Variants in XKR9 observed in about 807,000 individuals in gnomAD.
The protein encoded by XKR9 is XK related 9, also known as XK-related protein 9.
A neutral mutation model predicts 32.0 loss-of-function variants in XKR9; 32 were observed. The ratio of observed to expected loss-of-function variants is 1.00; its 90% CI spans 0.76 to 1.34. The LOEUF is 1.34. XKR9 is among the 40% of genes most tolerant of loss of function. The pLI is 0.00. For missense variants in XKR9, 546 were observed against 429.7 expected (o/e 1.27, Z -2.39); for synonymous variants, 168 against 143.4 (o/e 1.17, Z -1.22).
chr8:70,935,670 G>A, the XKR9 span, among the ~76,000 whole-genome samples: 269 of 151,992 alleles, frequency 1.8e-3, 3 homozygotes, highest in Middle Eastern at 3.4e-3. Context: ...TTTCTAAAAG[G>A]CACATAAAAT....
chr8:70,896,470 G>C, the XKR9 span, among the ~76,000 whole-genome samples: 9 of 151,360 alleles, frequency 5.9e-5, no homozygotes, highest in Non-Finnish European at 1.3e-4. Flanking sequence ...TAAATTTATG[G>C]GCCGACGGTC....
At chr8:70,843,932 A>T in the XKR9 span, among the ~76,000 whole-genome samples, 4 of 152,290 alleles carry the variant, frequency 2.6e-5, no homozygotes, top group Admixed American at 2.6e-4. Context: ...ACATCCCTGG[A>T]GGTACACTGA....
chr8:71,041,688 C>G, the XKR9 span, among the ~76,000 whole-genome samples: 1 of 152,204 alleles, frequency 6.6e-6, no homozygotes, highest in Non-Finnish European at 1.5e-5. Flanking sequence ...AGGGCATTCT[C>G]ATGAGATCTG....
At chr8:70,811,618 G>T in the XKR9 span, among the ~76,000 whole-genome samples, 1 of 152,088 alleles carries the variant, frequency 6.6e-6, no homozygotes, top group African/African-American at 2.4e-5. Flanking sequence ...TATTACCACC[G>T]ATCCCACAGA....
the XKR9 span, among the ~76,000 whole-genome samples, chr8:70,921,743 G>A: frequency 6.6e-6 from 1 of 152,152 alleles, no homozygotes; most frequent in Admixed American, 6.5e-5. Flanking sequence ...GCTTTCAGAA[G>A]AGATGTGCCA....
the XKR9 span, among the ~76,000 whole-genome samples, chr8:70,976,074 A>AT: frequency 2.0e-5 from 3 of 152,098 alleles, no homozygotes; most frequent in African/African-American, 7.2e-5. Context: ...AATGCTTGTG[A>AT]TTTTTGCACA....
chr8:71,013,517 G>C, the XKR9 span, among the ~76,000 whole-genome samples: 1 of 152,212 alleles, frequency 6.6e-6, no homozygotes, highest in Non-Finnish European at 1.5e-5. Context: ...GTTTCCACAA[G>C]TTGGTTAATG....
the XKR9 span, among the ~76,000 whole-genome samples, chr8:70,865,814 GC>G: frequency 6.6e-6 from 1 of 152,316 alleles, no homozygotes; most frequent in African/African-American, 2.4e-5. Flanking sequence ...TAACCAATCT[GC>G]TTTAGTTTGC....
chr8:70,942,984 A>G, the XKR9 span, among the ~76,000 whole-genome samples: 48,289 of 152,002 alleles, frequency 0.32, 9,003 homozygotes, highest in Non-Finnish European at 0.43. Flanking sequence ...GAAGAGATTT[A>G]CATTTCAAAA....
At chr8:70,854,529 A>G in the XKR9 span, among the ~76,000 whole-genome samples, 1 of 152,178 alleles carries the variant, frequency 6.6e-6, no homozygotes, top group African/African-American at 2.4e-5. Flanking sequence ...TATTTTAATT[A>G]GATCCCATTT....
intron 3 of XKR9, among the ~76,000 whole-genome samples, chr8:70,702,886 A>G (rs1805587793): frequency 6.6e-6 from 1 of 152,146 alleles, no homozygotes; most frequent in Non-Finnish European, 1.5e-5. Flanking sequence ...TGTTTAATCC[A>G]TTTACATTTA....
At chr8:71,034,269 T>C in the XKR9 span, among the ~76,000 whole-genome samples, 1 of 151,988 alleles carries the variant, frequency 6.6e-6, no homozygotes, top group Admixed American at 6.5e-5. Flanking sequence ...TGAGTTCTCA[T>C]GAGATCCGAT....
chr8:70,730,824 A>G (rs1320477174), intron 4 of XKR9, among the ~76,000 whole-genome samples: 1 of 152,252 alleles, frequency 6.6e-6, no homozygotes, highest in African/African-American at 2.4e-5. Flanking sequence ...CTCTTCCCAG[A>G]AGAAGTCTAA....
At chr8:70,908,160 G>A in the XKR9 span, among the ~76,000 whole-genome samples, 1 of 151,870 alleles carries the variant, frequency 6.6e-6, no homozygotes, top group Admixed American at 6.6e-5. Context: ...GATAGAGACT[G>A]TTTCAATGAG....
the XKR9 span, among the ~76,000 whole-genome samples, chr8:70,875,610 A>T: frequency 6.6e-6 from 1 of 152,152 alleles, no homozygotes; most frequent in Non-Finnish European, 1.5e-5. Context: ...CTGCCAAGGG[A>T]GGCATAAGGG....
At chr8:70,830,666 T>C in the XKR9 span, among the ~76,000 whole-genome samples, 1 of 152,200 alleles carries the variant, frequency 6.6e-6, no homozygotes, top group African/African-American at 2.4e-5. Context: ...ATATAAATTC[T>C]TAATAAACCA....
At chr8:70,704,228 A>C (rs1805641503) in intron 3 of XKR9, among the ~76,000 whole-genome samples, 1 of 152,056 alleles carries the variant, frequency 6.6e-6, no homozygotes. Flanking sequence ...TAAATAAATA[A>C]ATAAGTGAAA....
At chr8:70,779,518 C>T (rs555003214) in intron 2 of XKR9, among the ~76,000 whole-genome samples, 46 of 152,194 alleles carry the variant, frequency 3.0e-4, no homozygotes, top group African/African-American at 9.4e-4. Context: ...GGAATAGTTT[C>T]GGAAGGAATG....
chr8:70,748,376 C>G (rs560694602), intron 2 of XKR9, among the ~76,000 whole-genome samples: 2 of 152,378 alleles, frequency 1.3e-5, no homozygotes, highest in South Asian at 4.1e-4. Flanking sequence ...TCTGCTCCTG[C>G]TTTCTAGTCT....
Sources: gnomAD v4.1 joint callset for allele counts (sites outside exome capture counted in the v4.1 genomes callset) on GRCh38, gnomAD v4.1.1 for gene constraint, MANE v1.5 for transcripts, NCBI Gene and HGNC (gene_info 2026-07-23, HGNC 2026-07-21) for gene names.